Variants in SUMF1 observed in about 807,000 individuals in gnomAD.
The protein encoded by SUMF1 is sulfatase modifying factor 1, also known as formylglycine-generating enzyme.
Under a neutral mutation model 47.6 loss-of-function variants are expected in SUMF1, and 48 were observed. That is an observed-to-expected ratio of 1.01 (90% CI 0.80 to 1.28). SUMF1 has a LOEUF of 1.28. Among genes scored for constraint, SUMF1 ranks in the 50% most tolerant of loss-of-function variants. The pLI, the probability that SUMF1 is intolerant of heterozygous loss-of-function variation, is 0.00. For synonymous variants in SUMF1, 230 were observed against 192.1 expected, an observed-to-expected ratio of 1.20 and a Z score of -1.63; for missense variants, 571 against 485.4, an observed-to-expected ratio of 1.18 and a Z score of -1.66.
intron 8 of SUMF1, among the ~76,000 whole-genome samples, chr3:4,292,449 G>C (rs1335956159): frequency 6.6e-6 from 1 of 152,198 alleles, no homozygotes; most frequent in Non-Finnish European, 1.5e-5. Context: ...GGGTGAGTCA[G>C]AAATTTAAAT....
chr3:4,273,179 G>T (rs1056327216), intron 8 of SUMF1, among the ~76,000 whole-genome samples: 1 of 150,792 alleles, frequency 6.6e-6, no homozygotes, highest in Non-Finnish European at 1.5e-5. Flanking sequence ...CTCCTAGATG[G>T]AAGAGAAGTA....
At chr3:4,360,588 C>T (rs1322773506), downstream of SUMF1, among the ~76,000 whole-genome samples, 1 of 152,112 alleles carries the variant, frequency 6.6e-6, no homozygotes, top group Non-Finnish European at 1.5e-5. Context: ...CCACCTTGGC[C>T]TCCCAAAGTG....
At chr3:4,368,959 T>G (rs1169693398) in intron 8 of SUMF1, among the ~76,000 whole-genome samples, 4 of 152,124 alleles carry the variant, frequency 2.6e-5, no homozygotes, top group Admixed American at 2.6e-4. Flanking sequence ...GTTAAAGAAG[T>G]TTCACAAAGC....
Position 4,067,377 on chromosome 3 carries a change from G to A in SUMF1, c.1191+1192C>T, listed in dbSNP as rs73119833. Among the ~76,000 whole-genome samples, 1,001 of 152,268 alleles carry A rather than the reference G, an allele frequency of 6.6e-3. 18 individuals carry two copies. Among genetic ancestry groups the A allele is most frequent in the African/African-American group, 0.021 (866 of 41,546 alleles). The stretch of plus-strand genomic sequence containing the variant: ...GGAGAGCACTCCAAATTTGTAGAAC[G>A]TTGCCTTCCCACCATCTTCATAACT... On this transcript the variant is annotated intron_variant and NMD_transcript_variant, in intron 9 of 12. Transcript: ENST00000448413.
At chr3:4,066,898 T>C (rs1436480694) in intron 9 of SUMF1, among the ~76,000 whole-genome samples, 3 of 152,154 alleles carry the variant, frequency 2.0e-5, no homozygotes, top group Non-Finnish European at 2.9e-5. Context: ...GCCAGCCTTC[T>C]TCCACCACTA....
chr3:4,347,949 T>G (rs1371420927), intron 8 of SUMF1, among the ~76,000 whole-genome samples: 1 of 152,022 alleles, frequency 6.6e-6, no homozygotes, highest in Non-Finnish European at 1.5e-5. Flanking sequence ...ACAAAGAGAT[T>G]AAAATACCTA....
chr3:4,098,208 C>T (rs989206207), intron 8 of SUMF1, among the ~76,000 whole-genome samples: 2 of 152,066 alleles, frequency 1.3e-5, no homozygotes, highest in African/African-American at 4.8e-5. Flanking sequence ...AATTGAAGCT[C>T]CCCTAGCAGC....
At chr3:4,362,885 G>A (rs1018584123) in intron 8 of SUMF1, among the ~76,000 whole-genome samples, 3 of 151,968 alleles carry the variant, frequency 2.0e-5, no homozygotes, top group Non-Finnish European at 2.9e-5. Context: ...CTGTACTAAA[G>A]CCTGGGTGAC....
At chr3:4,078,656 G>A (rs1202811014) in intron 8 of SUMF1, among the ~76,000 whole-genome samples, 1 of 151,918 alleles carries the variant, frequency 6.6e-6, no homozygotes. Context: ...ACTTTGGGAG[G>A]CCACAGCAGG....
chr3:4,337,543 C>G (rs547274904), intron 8 of SUMF1, among the ~76,000 whole-genome samples: 1 of 152,216 alleles, frequency 6.6e-6, no homozygotes, highest in East Asian at 1.9e-4. Context: ...AATTCCAACC[C>G]CACATGCCCA....
At chr3:4,300,542 T>G (rs1041816513) in intron 8 of SUMF1, among the ~76,000 whole-genome samples, 4 of 152,208 alleles carry the variant, frequency 2.6e-5, no homozygotes, top group Non-Finnish European at 5.9e-5. Context: ...ATCTTTAATT[T>G]CTGTTCTCAA....
At chr3:4,048,787 C>T (rs1242596981) in intron 9 of SUMF1, among the ~76,000 whole-genome samples, 1 of 152,126 alleles carries the variant, frequency 6.6e-6, no homozygotes. Context: ...ACATTTAATA[C>T]ATAAATAGAG....
At chr3:4,427,164 A>G (rs1026564622) in intron 3 of SUMF1, among the ~76,000 whole-genome samples, 58 of 152,382 alleles carry the variant, frequency 3.8e-4, no homozygotes, top group Middle Eastern at 3.4e-3. Flanking sequence ...AAAGCTCTGT[A>G]TAATTATGCA....
intron 4 of SUMF1, among the ~76,000 whole-genome samples, chr3:4,419,439 G>C (rs1701820180): frequency 6.6e-6 from 1 of 152,228 alleles, no homozygotes; most frequent in African/African-American, 2.4e-5. Context: ...TAGGAGAGCA[G>C]GTTTCTTGGG....
chr3:4,203,172 A>T (rs977586503), intron 8 of SUMF1, among the ~76,000 whole-genome samples: 3 of 151,960 alleles, frequency 2.0e-5, no homozygotes, highest in African/African-American at 4.8e-5. Context: ...AGGTCTCTCC[A>T]ATGCCAAAAG....
At chr3:4,051,895 T>C (rs957917466) in intron 9 of SUMF1, among the ~76,000 whole-genome samples, 3 of 152,140 alleles carry the variant, frequency 2.0e-5, no homozygotes, top group South Asian at 4.1e-4. Context: ...GTAAGGTCAG[T>C]ACTGCACTTT....
rs189215325 is a variant in SUMF1, at chr3:4,346,188, T to C, written c.1014+30142A>G. On this transcript the variant is annotated intron_variant and NMD_transcript_variant, in intron 8 of 12. Transcript: ENST00000448413. ...CTGGATCAAGTGGATCTAGTAGACA[T>C]CTACAGAACTCTCTACCCCAAATTA... Among the ~76,000 whole-genome samples, 20 of 152,294 alleles carry C rather than the reference T, an allele frequency of 1.3e-4. No individual in the cohort carries two copies. The East Asian group carries it at 2.1e-3, about 16-fold the overall frequency.
At chr3:4,082,119 T>C (rs1254645720) in intron 8 of SUMF1, among the ~76,000 whole-genome samples, 1 of 152,176 alleles carries the variant, frequency 6.6e-6, no homozygotes, top group Non-Finnish European at 1.5e-5. Context: ...GATGACAGGA[T>C]ATATGGGAAT....
intron 9 of SUMF1, among the ~76,000 whole-genome samples, chr3:4,053,662 G>A (rs1235958916): frequency 6.6e-6 from 1 of 152,084 alleles, no homozygotes; most frequent in Non-Finnish European, 1.5e-5. Context: ...ACTGTGACAT[G>A]GCCTTTGAAA....
Sources: allele counts gnomAD v4.1 joint callset (sites outside exome capture counted in the v4.1 genomes callset), GRCh38; gene constraint gnomAD v4.1.1; transcripts MANE v1.5; gene names NCBI Gene and HGNC (gene_info 2026-07-23, HGNC 2026-07-21).